The following RAP1A variants were observed in gnomAD, a reference collection of about 807,000 sequenced individuals.
RAP1A encodes ras-related protein Rap-1A.
A neutral mutation model predicts 26.4 loss-of-function variants in RAP1A; 6 were observed. The ratio of observed to expected loss-of-function variants is 0.23; its 90% CI spans 0.12 to 0.45. The LOEUF is 0.45. Ranked by LOEUF, RAP1A falls within the 20% of genes least tolerant of loss-of-function variation. The probability of loss-of-function intolerance (pLI) is 0.99; values close to 1 mark genes in which losing one functional copy is unlikely to be tolerated. For synonymous variants in RAP1A, 73 were observed against 79.4 expected (o/e 0.92, Z 0.43); for missense variants, 121 against 217.2 (o/e 0.56, Z 2.78).
rs560924134 is a variant in RAP1A, at chr1:111,626,812, T to A, written c.-28+6878T>A. Among the ~76,000 whole-genome samples, 13 of 152,334 alleles carry A rather than the reference T, an allele frequency of 8.5e-5. No individual in the cohort carries two copies. In the East Asian group the frequency reaches 2.5e-3, roughly 29 times the overall value. On this transcript the variant is annotated intron_variant, in intron 1 of 7. Transcript: ENST00000369709. ...TCAGTAGACATATATAATAAAATAG[T>A]CCATTTAACTGTGATTCTTTCTCTT... is the stretch of plus-strand genomic sequence containing the variant.
chr1:111,577,219 A>G (rs1658163750), intron 1 of RAP1A, among the ~76,000 whole-genome samples: 1 of 152,028 alleles, frequency 6.6e-6, no homozygotes, highest in Non-Finnish European at 1.5e-5. Flanking sequence ...CCTGGTCAAC[A>G]TGGCAAAACC....
At chr1:111,662,416 AAAT>A (rs1407369459) in intron 1 of RAP1A, among the ~76,000 whole-genome samples, 1 of 146,160 alleles carries the variant, frequency 6.8e-6, no homozygotes, top group African/African-American at 2.5e-5. Flanking sequence ...AAAAAAAAAA[AAAT>A]TAACTTGATC....
chr1:111,650,769 G>T (rs1233240892), intron 1 of RAP1A, among the ~76,000 whole-genome samples: 1 of 151,970 alleles, frequency 6.6e-6, no homozygotes, highest in Non-Finnish European at 1.5e-5. Flanking sequence ...TTGGACAAAT[G>T]TAAAATGATG....
intron 1 of RAP1A, among the ~76,000 whole-genome samples, chr1:111,661,720 A>G (rs12038935): frequency 0.061 from 9,138 of 150,590 alleles, 304 homozygotes; most frequent in East Asian, 0.064. Flanking sequence ...AATCACTTGA[A>G]CCCTGGAGGC....
intron 1 of RAP1A, among the ~76,000 whole-genome samples, chr1:111,651,160 CTTGT>C (rs1413686671): frequency 6.6e-6 from 1 of 152,086 alleles, no homozygotes; most frequent in African/African-American, 2.4e-5. Context: ...GTGTTCCTGT[CTTGT>C]TTGTTTGCTT....
At chr1:111,618,851 C>A (rs1264209505), upstream of RAP1A, among the ~76,000 whole-genome samples, 2 of 144,788 alleles carry the variant, frequency 1.4e-5, no homozygotes, top group Non-Finnish European at 3.1e-5. Flanking sequence ...AAATAGCCTT[C>A]TTCTCATCCT....
chr1:111,687,441 C>G (rs1661520268), intron 1 of RAP1A, among the ~76,000 whole-genome samples: 1 of 152,128 alleles, frequency 6.6e-6, no homozygotes, highest in Admixed American at 6.5e-5. Flanking sequence ...CTCCTGACCT[C>G]AGGTGATCCA....
intron 1 of RAP1A, among the ~76,000 whole-genome samples, chr1:111,659,269 A>G (rs562896162): frequency 6.6e-6 from 1 of 152,278 alleles, no homozygotes; most frequent in South Asian, 2.1e-4. Flanking sequence ...TAGTCACAGT[A>G]AGAGACTGAC....
chr1:111,648,142 C>G, intron 1 of RAP1A: 1 of 279,742 alleles, frequency 3.6e-6, no homozygotes, highest in Non-Finnish European at 6.7e-6. Context: ...ACAATCTTGG[C>G]TCACTGGAGC....
intron 1 of RAP1A, among the ~76,000 whole-genome samples, chr1:111,656,225 G>A (rs1344559542): frequency 2.0e-5 from 3 of 152,026 alleles, no homozygotes; most frequent in Admixed American, 6.5e-5. Context: ...AAGTAATATC[G>A]GCGGGGGTGG....
intron 1 of RAP1A, among the ~76,000 whole-genome samples, chr1:111,640,295 A>G (rs1659853808): frequency 6.6e-6 from 1 of 151,414 alleles, no homozygotes; most frequent in South Asian, 2.1e-4. Flanking sequence ...TGAGACTATT[A>G]TAAGTGATTA....
At chr1:111,678,531 C>T (rs1661197141) in intron 1 of RAP1A, among the ~76,000 whole-genome samples, 1 of 152,164 alleles carries the variant, frequency 6.6e-6, no homozygotes, top group Non-Finnish European at 1.5e-5. Context: ...TATAATATAG[C>T]ATACCACATA....
At chr1:111,630,553 G>A (rs1015201275) in intron 1 of RAP1A, among the ~76,000 whole-genome samples, 1 of 152,172 alleles carries the variant, frequency 6.6e-6, no homozygotes, top group East Asian at 1.9e-4. Flanking sequence ...ATGCCATGAA[G>A]AAACTATAGC....
At chr1:111,542,247 G>A (rs1196399389) in exon 1 of RAP1A, 2 of 608,704 alleles carry the variant, frequency 3.3e-6, no homozygotes, top group Non-Finnish European at 6.1e-6. Flanking sequence ...AAACACTGGC[G>A]GCACATATTG....
At chr1:111,572,938 C>T (rs941350935) in intron 1 of RAP1A, among the ~76,000 whole-genome samples, 1 of 152,086 alleles carries the variant, frequency 6.6e-6, no homozygotes, top group Non-Finnish European at 1.5e-5. Flanking sequence ...TCTATCGTTC[C>T]CCTCTTTGTG....
At chr1:111,676,474 A>G (rs1661128759) in intron 1 of RAP1A, among the ~76,000 whole-genome samples, 1 of 152,048 alleles carries the variant, frequency 6.6e-6, no homozygotes, top group Non-Finnish European at 1.5e-5. Context: ...GGGTGGGGAC[A>G]CAGAGCCAAA....
intron 1 of RAP1A, among the ~76,000 whole-genome samples, chr1:111,550,106 G>T (rs2101034572): frequency 6.6e-6 from 1 of 152,230 alleles, no homozygotes; most frequent in East Asian, 1.9e-4. Context: ...TATAAAATTT[G>T]TTGTCATGCA....
chr1:111,603,646 G>C (rs1294923592), intron 1 of RAP1A, among the ~76,000 whole-genome samples: 1 of 152,036 alleles, frequency 6.6e-6, no homozygotes, highest in East Asian at 1.9e-4. Flanking sequence ...CCCAAGTTCG[G>C]GGCATGACCA....
intron 1 of RAP1A, among the ~76,000 whole-genome samples, chr1:111,643,487 C>T (rs1204986055): frequency 6.6e-6 from 1 of 152,192 alleles, no homozygotes; most frequent in East Asian, 1.9e-4. Flanking sequence ...CAGCTTTGAG[C>T]TTAAGCTGTT....
Sources: gnomAD v4.1 joint callset for allele counts (sites outside exome capture counted in the v4.1 genomes callset) on GRCh38, gnomAD v4.1.1 for gene constraint, MANE v1.5 for transcripts, NCBI Gene and HGNC (gene_info 2026-07-23, HGNC 2026-07-21) for gene names.